Variants in ITPR1 observed in about 807,000 individuals in gnomAD.
ITPR1 encodes the protein inositol 1,4,5-trisphosphate-gated calcium channel ITPR1.
Under a neutral mutation model 318.4 loss-of-function variants are expected in ITPR1, and 96 were observed. That is an observed-to-expected ratio of 0.30 (90% CI 0.26 to 0.36). The LOEUF (loss-of-function observed/expected upper bound fraction) is 0.36. Among genes scored for constraint, ITPR1 ranks in the 10% least tolerant of loss-of-function variants. The probability of loss-of-function intolerance (pLI) is 1.00; values close to 1 mark genes in which losing one functional copy is unlikely to be tolerated. For missense variants in ITPR1, 2,440 were observed against 3,460.2 expected (o/e 0.71, Z 7.40); for synonymous variants, 1,312 against 1,289.9 (o/e 1.02, Z -0.37).
At chr3:4,593,819 G>A (rs1246563256) in intron 4 of ITPR1, among the ~76,000 whole-genome samples, 1 of 152,218 alleles carries the variant, frequency 6.6e-6, no homozygotes, top group Non-Finnish European at 1.5e-5. Context: ...GGTGGGAGAA[G>A]AAGCTGGAAA....
intron 44 of ITPR1, among the ~76,000 whole-genome samples, chr3:4,740,233 GC>G (rs775953066): frequency 2.3e-4 from 35 of 152,116 alleles, no homozygotes; most frequent in Non-Finnish European, 4.6e-4. Flanking sequence ...GGTCAGCCAG[GC>G]CCCCAAGCTG....
chr3:4,777,346 AGAG>A lies in ITPR1; in HGVS notation c.6266_6268del (p.Arg2089del). The A allele has an allele frequency of 6.2e-7, 1 of 1,602,608 alleles. No homozygotes were observed. The highest frequency in any genetic ancestry group is 8.5e-7 in the Non-Finnish European group (1 of 1,173,466). On this transcript the variant is annotated inframe_deletion, in exon 48 of 62. Transcript: ENST00000649015. ...AATGATATCAATCCTTTGGGAAAGA[AGAG>A]GATGGACCTTGTGTTAGAACTGAAG...
chr3:4,598,523 G>A (rs955740863), intron 4 of ITPR1, among the ~76,000 whole-genome samples: 1 of 152,028 alleles, frequency 6.6e-6, no homozygotes, highest in African/African-American at 2.4e-5. Flanking sequence ...CGGTGGGGCC[G>A]AGACAGGAGG....
intron 6 of ITPR1, among the ~76,000 whole-genome samples, chr3:4,640,820 T>C (rs1032442413): frequency 3.9e-5 from 6 of 152,194 alleles, no homozygotes; most frequent in Non-Finnish European, 7.3e-5. Flanking sequence ...CCCCCAGCCC[T>C]GGATCTTGGG....
At position 4,733,179 on chromosome 3, in the gene ITPR1, G is replaced by C. The variant is rs376656471; in HGVS notation, c.5312G>C (p.Gly1771Ala). The C allele has an allele frequency of 6.8e-6, 11 of 1,613,910 alleles. No homozygotes were observed. In the African/African-American group the frequency reaches 1.3e-4, roughly 20 times the overall value. Residue 1771 changes from glycine (G) to alanine (A), a missense_variant, in exon 43 of 62, where the codon GGC becomes GCC. Transcript: ENST00000649015. ...RRESLTSFGN[G>A]PLSAGGPGKP... ...GAGAGCCTTACCAGCTTTGGCAATG[G>C]CCCACTGTCAGCAGGAGGACCCGGC...
chr3:4,624,698 A>G (rs1246046143), intron 4 of ITPR1, among the ~76,000 whole-genome samples: 1 of 150,810 alleles, frequency 6.6e-6, no homozygotes, highest in Non-Finnish European at 1.5e-5. Flanking sequence ...AAAAAAGATT[A>G]AACTATAATG....
intron 4 of ITPR1, among the ~76,000 whole-genome samples, chr3:4,580,768 G>C (rs527455016): frequency 6.6e-6 from 1 of 150,956 alleles, no homozygotes; most frequent in South Asian, 2.1e-4. Context: ...AGCATGCCTA[G>C]TCCTTCTCCC....
intron 61 of ITPR1, among the ~76,000 whole-genome samples, chr3:4,839,651 G>A (rs1283698316): frequency 6.6e-6 from 1 of 152,160 alleles, no homozygotes; most frequent in Non-Finnish European, 1.5e-5. Context: ...TTTTATACAA[G>A]TGAGCATAGT....
At chr3:4,554,429 T>A (rs762031739) in intron 4 of ITPR1, among the ~76,000 whole-genome samples, 11 of 152,174 alleles carry the variant, frequency 7.2e-5, no homozygotes, top group Non-Finnish European at 1.3e-4. Context: ...ATTGGCCTAG[T>A]TAGTAAATGT....
chr3:4,501,330 A>T (rs1424670187), intron 2 of ITPR1, among the ~76,000 whole-genome samples: 2 of 152,218 alleles, frequency 1.3e-5, no homozygotes, highest in African/African-American at 4.8e-5. Context: ...TGCAGTCAAA[A>T]GTTTGAGAAA....
intron 40 of ITPR1, among the ~76,000 whole-genome samples, chr3:4,720,772 A>G (rs1435589813): frequency 6.7e-6 from 1 of 150,192 alleles, no homozygotes; most frequent in Non-Finnish European, 1.5e-5. Flanking sequence ...TGCCGGCAAA[A>G]GATGCCATTG....
In ITPR1 at chr3:4,815,125, C is replaced by T. The variant is rs781206949; in HGVS notation, c.7774C>T (p.Leu2592=). 1 of 1,613,780 alleles carries T rather than the reference C, an allele frequency of 6.2e-7. No individual in the cohort carries two copies. Among genetic ancestry groups the T allele is most frequent in the South Asian group, 1.1e-5 (1 of 91,060 alleles). Residue 2592 remains leucine (L), a synonymous_variant, in exon 59 of 62, where the codon CTG becomes TTG. Coordinates refer to ENST00000649015, the MANE Select transcript of ITPR1 (RefSeq NM_001378452.1). The part of the protein sequence containing the change: ...FFMVIIIVLN[L]IFGVIIDTFA... ...CATGGTCATCATCATTGTTCTTAACCTGATTTTTGGGGTTATCATTGACAC... is the reference window on the plus strand; with the variant it reads ...CATGGTCATCATCATTGTTCTTAACTTGATTTTTGGGGTTATCATTGACAC...
At chr3:4,787,198 A>G (rs1348223541) in intron 51 of ITPR1, among the ~76,000 whole-genome samples, 1 of 152,088 alleles carries the variant, frequency 6.6e-6, no homozygotes, top group Non-Finnish European at 1.5e-5. Context: ...GTGAATATGC[A>G]CACAAAACAC....
rs752321175 is a variant in ITPR1, at chr3:4,826,332, T to C, written c.8028+8090T>C. Among the ~76,000 whole-genome samples, 4 of 152,142 alleles carry C rather than the reference T, an allele frequency of 2.6e-5. No homozygotes were observed. The highest frequency in any genetic ancestry group is 9.7e-5 in the African/African-American group (4 of 41,414). ...TAACCTGGGAGGCCACGAGCATTGGTTAAAATGTCACCTGGGCTCTGACAA... is the reference window on the plus strand; with the variant it reads ...TAACCTGGGAGGCCACGAGCATTGGCTAAAATGTCACCTGGGCTCTGACAA... On this transcript the variant is annotated intron_variant, in intron 60 of 61. Transcript: ENST00000649015. The surrounding 1 kb of genome is among the most constrained non-coding windows in gnomAD (Gnocchi z 4.2).
intron 8 of ITPR1, 46 bp downstream of exon 8, chr3:4,644,280 G>A: frequency 2.9e-6 from 4 of 1,363,944 alleles, no homozygotes; most frequent in South Asian, 1.3e-5. Flanking sequence ...TCCTGCAGGA[G>A]CGGGTCTGGC....
In ITPR1 at chr3:4,675,251, G is replaced by A; in HGVS notation, c.2779+3G>A. The A allele has an allele frequency of 6.2e-6, 10 of 1,605,184 alleles. No homozygotes were observed. The highest frequency in any genetic ancestry group is 7.7e-6 in the Non-Finnish European group (9 of 1,176,252). On this transcript the variant is annotated splice_donor_region_variant and intron_variant, in intron 23 of 61. Coordinates refer to ENST00000649015, the MANE Select transcript of ITPR1 (RefSeq NM_001378452.1). The stretch of plus-strand genomic sequence containing the variant: ...CAATGATGTGGAGAAGCTGAAGAGT[G>A]AGTATCTGAGGGTGCCCATACATCT...
In ITPR1 at chr3:4,673,250, C is replaced by T. The variant is rs758156458; in HGVS notation, c.2319C>T (p.Asn773=). Residue 773 remains asparagine (N), a synonymous_variant, in exon 21 of 62, where the codon AAC becomes AAT. Transcript: ENST00000649015. The stretch of plus-strand genomic sequence containing the variant: ...TTCTCCGCTGCATGTCTGACGAGAA[C>T]CTGCCCTATGACCTCAGGGCGTCCT... The part of the protein sequence containing the change: ...DLILRCMSDE[N]LPYDLRASFC... The T allele has an allele frequency of 1.9e-6, 3 of 1,614,044 alleles. No homozygotes were observed. The highest frequency in any genetic ancestry group is 1.7e-6 in the Non-Finnish European group (2 of 1,179,888).
In ITPR1 at chr3:4,735,194, G is replaced by T; in HGVS notation, c.5384G>T (p.Arg1795Met). 1 of 1,613,978 alleles carries T rather than the reference G, an allele frequency of 6.2e-7. No homozygotes were observed. The highest frequency in any genetic ancestry group is 8.5e-7 in the Non-Finnish European group (1 of 1,179,846). The change falls in exon 44 of 62, where the codon AGG (arginine) becomes ATG (methionine). Residue 1795 changes from arginine to methionine, a missense_variant. By Grantham distance (91) the Arg-to-Met change is moderately conservative. Coordinates refer to ENST00000649015, the MANE Select transcript of ITPR1 (RefSeq NM_001378452.1). ...GGTTCCGGATCCAGCTCTATGAGCA[G>T]GGGTGAGATGAGTCTGGCCGAGGTT... ...GGGSGSSSMSRGEMSLAEVQC... is the reference protein window; with the variant it reads ...GGGSGSSSMSMGEMSLAEVQC...
At position 4,640,146 on chromosome 3, in the gene ITPR1, A is replaced by G. The variant is rs539466174; in HGVS notation, c.366+676A>G. Among the ~76,000 whole-genome samples, 47 of 152,346 alleles carry G rather than the reference A, an allele frequency of 3.1e-4. No homozygotes were observed. The South Asian group carries it at 8.5e-3, about 28-fold the overall frequency. On this transcript the variant is annotated intron_variant, in intron 6 of 61. Coordinates refer to ENST00000649015, the MANE Select transcript of ITPR1 (RefSeq NM_001378452.1). The stretch of plus-strand genomic sequence containing the variant: ...CAGGCACAAAGAGTAGTAGTTACCA[A>G]CTATTGAGCACCTAGACCCATTTGG...
Sources: allele counts gnomAD v4.1 joint callset (sites outside exome capture counted in the v4.1 genomes callset), GRCh38; gene constraint gnomAD v4.1.1; non-coding constraint Gnocchi (gnomAD v3.1); transcripts MANE v1.5; gene names NCBI Gene and HGNC (gene_info 2026-07-23, HGNC 2026-07-21).